The following PPARGC1A variants were observed in gnomAD, a reference collection of about 807,000 sequenced individuals.
The protein encoded by PPARGC1A is peroxisome proliferator-activated receptor gamma coactivator 1-alpha.
A neutral mutation model predicts 88.7 loss-of-function variants in PPARGC1A; 25 were observed. The observed-to-expected ratio is 0.28, with a 90% CI of 0.21 to 0.39. The LOEUF is 0.39. Ranked by LOEUF, PPARGC1A falls within the 10% of genes least tolerant of loss-of-function variation. The pLI is 1.00. For synonymous variants in PPARGC1A, 363 were observed against 355.6 expected (o/e 1.02, Z -0.24); for missense variants, 880 against 968.7 (o/e 0.91, Z 1.22).
At chr4:23,813,348 G>A (rs1721302739) in intron 8 of PPARGC1A, among the ~76,000 whole-genome samples, 1 of 152,152 alleles carries the variant, frequency 6.6e-6, no homozygotes, top group South Asian at 2.1e-4. Context: ...TTAACACTGA[G>A]CACCAGGTCT....
chr4:24,077,527 AT>A, the PPARGC1A span, among the ~76,000 whole-genome samples: 1 of 151,162 alleles, frequency 6.6e-6, no homozygotes. Flanking sequence ...GTGATTCTCA[AT>A]TCTTTGCATA....
chr4:24,260,248 A>G, the PPARGC1A span, among the ~76,000 whole-genome samples: 185 of 152,358 alleles, frequency 1.2e-3, no homozygotes, highest in Non-Finnish European at 2.4e-3. Flanking sequence ...GTCTACAAGC[A>G]CACCGATTTT....
the PPARGC1A span, among the ~76,000 whole-genome samples, chr4:24,146,308 A>G: frequency 0.027 from 4,180 of 152,340 alleles, 196 homozygotes; most frequent in African/African-American, 0.095. Flanking sequence ...ATATGAGTTC[A>G]TTACTTAGCA....
the PPARGC1A span, among the ~76,000 whole-genome samples, chr4:24,159,892 T>C: frequency 1.3e-5 from 2 of 152,180 alleles, no homozygotes; most frequent in African/African-American, 2.4e-5. Flanking sequence ...AGTGGGACCA[T>C]ATAGTGATCA....
At chr4:24,126,955 T>C in the PPARGC1A span, among the ~76,000 whole-genome samples, 2 of 152,260 alleles carry the variant, frequency 1.3e-5, no homozygotes, top group African/African-American at 4.8e-5. Context: ...CAGCTTCCAT[T>C]TGTAAAAGGA....
chr4:24,113,413 G>A, the PPARGC1A span, among the ~76,000 whole-genome samples: 1 of 152,154 alleles, frequency 6.6e-6, no homozygotes, highest in African/African-American at 2.4e-5. Context: ...TGAACAAACT[G>A]TCTTATAAAT....
At chr4:23,872,877 G>T in intron 2 of PPARGC1A, among the ~76,000 whole-genome samples, 1 of 152,152 alleles carries the variant, frequency 6.6e-6, no homozygotes, top group East Asian at 1.9e-4. Context: ...GAGAGCTTTA[G>T]CCAGTGAATT....
At chr4:24,313,082 A>T in the PPARGC1A span, among the ~76,000 whole-genome samples, 2 of 152,212 alleles carry the variant, frequency 1.3e-5, no homozygotes, top group African/African-American at 4.8e-5. Flanking sequence ...GGTGTTTGAA[A>T]ACAAACAGCG....
At chr4:24,066,381 C>T in the PPARGC1A span, among the ~76,000 whole-genome samples, 1 of 152,166 alleles carries the variant, frequency 6.6e-6, no homozygotes, top group Non-Finnish European at 1.5e-5. Context: ...AAATTTGCTT[C>T]ACCTGAAAGA....
At chr4:24,057,124 AG>A in the PPARGC1A span, among the ~76,000 whole-genome samples, 1 of 152,348 alleles carries the variant, frequency 6.6e-6, no homozygotes, top group East Asian at 1.9e-4. Flanking sequence ...AGCCTTAAAA[AG>A]GGAGAACATT....
the PPARGC1A span, among the ~76,000 whole-genome samples, chr4:24,020,954 G>A: frequency 2.6e-5 from 4 of 152,230 alleles, no homozygotes; most frequent in Non-Finnish European, 5.9e-5. Flanking sequence ...GCTCAGGCCA[G>A]TGTGGCAGTT....
the PPARGC1A span, among the ~76,000 whole-genome samples, chr4:23,997,497 C>CTTTTT: frequency 3.8e-3 from 366 of 96,942 alleles, 5 homozygotes; most frequent in East Asian, 0.014. Flanking sequence ...CAAGAAAGCC[C>CTTTTT]TTTTTTTTTT....
the PPARGC1A span, among the ~76,000 whole-genome samples, chr4:24,142,020 G>T: frequency 6.6e-6 from 1 of 152,140 alleles, no homozygotes; most frequent in East Asian, 1.9e-4. Flanking sequence ...GGCACTCAAA[G>T]AACTATTTAG....
chr4:24,180,775 T>C, the PPARGC1A span, among the ~76,000 whole-genome samples: 1 of 152,236 alleles, frequency 6.6e-6, no homozygotes, highest in Non-Finnish European at 1.5e-5. Flanking sequence ...CTGGTCATTC[T>C]CATCCATGTG....
the PPARGC1A span, among the ~76,000 whole-genome samples, chr4:24,263,409 T>A: frequency 4.0e-5 from 6 of 151,806 alleles, no homozygotes; most frequent in African/African-American, 1.5e-4. Flanking sequence ...TTAGGCCCTG[T>A]AGTGGATTCA....
the PPARGC1A span, among the ~76,000 whole-genome samples, chr4:24,000,922 T>C: frequency 6.6e-6 from 1 of 152,212 alleles, no homozygotes; most frequent in East Asian, 1.9e-4. Flanking sequence ...GATTTTGGAC[T>C]AAGATGAATA....
chr4:24,466,769 C>G, the PPARGC1A span, among the ~76,000 whole-genome samples: 432 of 150,932 alleles, frequency 2.9e-3, 1 homozygote, highest in African/African-American at 9.9e-3. Context: ...CAAAAATTAG[C>G]CAGGCGTTGT....
At chr4:24,133,477 C>A in the PPARGC1A span, among the ~76,000 whole-genome samples, 8 of 152,234 alleles carry the variant, frequency 5.3e-5, no homozygotes, top group East Asian at 1.4e-3. Flanking sequence ...AAATGCACTG[C>A]CTCTGGGAAA....
the PPARGC1A span, among the ~76,000 whole-genome samples, chr4:24,457,884 G>C: frequency 6.6e-6 from 1 of 152,084 alleles, no homozygotes; most frequent in East Asian, 1.9e-4. Context: ...TAGAGTCCAG[G>C]TTTATTCCTT....
Sources: gnomAD v4.1 joint callset for allele counts (sites outside exome capture counted in the v4.1 genomes callset) on GRCh38, gnomAD v4.1.1 for gene constraint, MANE v1.5 for transcripts, NCBI Gene and HGNC (gene_info 2026-07-23, HGNC 2026-07-21) for gene names.